Variants in ZBTB44 observed in about 807,000 individuals in gnomAD.
The protein encoded by ZBTB44 is zinc finger and BTB domain containing 44.
A neutral mutation model predicts 54.0 loss-of-function variants in ZBTB44; 15 were observed. That is an observed-to-expected ratio of 0.28 (90% CI 0.19 to 0.43). ZBTB44 has a LOEUF of 0.43. Among genes scored for constraint, ZBTB44 ranks in the 20% least tolerant of loss-of-function variants. The probability of loss-of-function intolerance (pLI) is 1.00; values close to 1 mark genes in which losing one functional copy is unlikely to be tolerated. For missense variants in ZBTB44, 487 were observed against 707.1 expected (o/e 0.69, Z 3.53); for synonymous variants, 230 against 250.1 (o/e 0.92, Z 0.76).
intron 2 of ZBTB44, among the ~76,000 whole-genome samples, chr11:130,252,802 C>A (rs376894115): frequency 6.6e-6 from 1 of 152,246 alleles, no homozygotes; most frequent in Admixed American, 6.5e-5. Flanking sequence ...AACATCAATG[C>A]AAAAATCCTC....
intron 2 of ZBTB44, among the ~76,000 whole-genome samples, chr11:130,249,436 G>C (rs529616024): frequency 1.3e-5 from 2 of 152,136 alleles, no homozygotes; most frequent in East Asian, 3.9e-4. Flanking sequence ...CCCAATTCAG[G>C]AATATGAACT....
chr11:130,273,140 T>C (rs1030181457), intron 1 of ZBTB44, among the ~76,000 whole-genome samples: 4 of 152,298 alleles, frequency 2.6e-5, no homozygotes, highest in African/African-American at 9.6e-5. Flanking sequence ...TGGAGAATAC[T>C]GCTATCTTTA....
At chr11:130,303,913 C>T (rs980993149) in intron 1 of ZBTB44, among the ~76,000 whole-genome samples, 5 of 152,026 alleles carry the variant, frequency 3.3e-5, no homozygotes, top group African/African-American at 1.2e-4. Flanking sequence ...GAGTTATCAA[C>T]GTGAAACAAC....
intron 2 of ZBTB44, among the ~76,000 whole-genome samples, chr11:130,258,909 A>T (rs1938638267): frequency 6.6e-6 from 1 of 152,156 alleles, no homozygotes; most frequent in East Asian, 1.9e-4. Flanking sequence ...ACTTTGTGAT[A>T]AAAAATCACA....
intron 2 of ZBTB44, 108 bp downstream of exon 2, chr11:130,260,748 T>G (rs1205208415): frequency 2.4e-6 from 3 of 1,272,108 alleles, no homozygotes; most frequent in African/African-American, 1.5e-5. Flanking sequence ...TGTTTTACTC[T>G]TCTTTATATT....
chr11:130,298,893 G>C (rs77533236), intron 1 of ZBTB44, among the ~76,000 whole-genome samples: 1,937 of 151,964 alleles, frequency 0.013, 17 homozygotes, highest in Middle Eastern at 0.02. Context: ...TCTGCAGCTT[G>C]GGAAACATGG....
chr11:130,285,330 T>C (rs1488778094), intron 1 of ZBTB44: 1 of 151,214 alleles, frequency 6.6e-6, no homozygotes, highest in African/African-American at 2.4e-5. Context: ...TCGCTCTCGT[T>C]GGCCAGGCTG....
At chr11:130,269,786 C>T (rs577377960) in intron 1 of ZBTB44, among the ~76,000 whole-genome samples, 2 of 152,214 alleles carry the variant, frequency 1.3e-5, no homozygotes, top group South Asian at 4.1e-4. Flanking sequence ...AATGATGCTT[C>T]TGTTTTTTTT....
chr11:130,310,717 G>A (rs934084033), intron 1 of ZBTB44, among the ~76,000 whole-genome samples: 1 of 152,106 alleles, frequency 6.6e-6, no homozygotes, highest in Non-Finnish European at 1.5e-5. Flanking sequence ...TAATTTTAAT[G>A]AGGTTTATCC....
rs1337384638 is a variant in ZBTB44 at position 130,236,927 on chromosome 11, C to T, written c.1434G>A (p.Arg478=). 2 of 1,604,524 alleles carry T rather than the reference C, an allele frequency of 1.2e-6. No homozygotes were observed. The highest frequency in any genetic ancestry group is 3.4e-5 in the Admixed American group (2 of 58,118). ...GEYKHHMRVS[R]HIIRKPRIYE... Reference sequence around the variant, plus strand: ...AAATCCGAGGCTTGCGGATAATGTGCCGGGAAACCCTCATGTGGTGTTTAT... The same window carrying T: ...AAATCCGAGGCTTGCGGATAATGTGTCGGGAAACCCTCATGTGGTGTTTAT... The change falls in exon 5 of 8, where the codon CGG becomes CGA. Residue 478 remains arginine (R), a synonymous_variant. Coordinates refer to ENST00000357899, the MANE Select transcript of ZBTB44 (RefSeq NM_001301098.2).
intron 1 of ZBTB44, among the ~76,000 whole-genome samples, chr11:130,313,348 T>C (rs950448645): frequency 2.0e-5 from 3 of 152,194 alleles, no homozygotes; most frequent in Non-Finnish European, 2.9e-5. Flanking sequence ...AATAATCTGG[T>C]TTTCATAATT....
intron 1 of ZBTB44, among the ~76,000 whole-genome samples, chr11:130,300,044 A>T (rs1202048926): frequency 2.0e-5 from 3 of 152,224 alleles, no homozygotes; most frequent in Admixed American, 6.5e-5. Flanking sequence ...ATGCGAGTGA[A>T]ATAAACCAAT....
At chr11:130,259,761 C>A (rs1722193794) in intron 2 of ZBTB44, among the ~76,000 whole-genome samples, 1 of 147,228 alleles carries the variant, frequency 6.8e-6, no homozygotes, top group African/African-American at 2.5e-5. Flanking sequence ...AATGAGAACC[C>A]ATGTACACAG....
rs1258857366 is a variant in ZBTB44 at position 130,229,815 on chromosome 11, CATTT to C, written c.*1945_*1948del. 6.6e-6 allele frequency: 1 copy of C among 152,104 alleles called. No individual in the cohort carries two copies. The highest frequency in any genetic ancestry group is 2.4e-5 in the African/African-American group (1 of 41,436). The allele number at this position is 152,104 out of a possible 1,614,324, so 9.4% of individuals were successfully genotyped here. ...AATAACTTACTTACAGTGAAAACTA[CATTT>C]ATTTATTACCTTCTGGCAACTTTGG... On this transcript the variant is annotated 3_prime_UTR_variant, in exon 8 of 8. Transcript: ENST00000357899.
intron 1 of ZBTB44, among the ~76,000 whole-genome samples, chr11:130,302,251 C>T (rs1942027388): frequency 6.6e-6 from 1 of 152,052 alleles, no homozygotes; most frequent in Non-Finnish European, 1.5e-5. Flanking sequence ...AGGAACTAGC[C>T]ACACAACAGG....
chr11:130,271,916 C>T (rs1326335313), intron 1 of ZBTB44, among the ~76,000 whole-genome samples: 1 of 152,098 alleles, frequency 6.6e-6, no homozygotes, highest in African/African-American at 2.4e-5. Context: ...AAAGCAGCCA[C>T]ACCTTTATAT....
At position 130,261,145 on chromosome 11, in the gene ZBTB44, C is replaced by T. The variant is rs556743638; in HGVS notation, c.729G>A (p.Glu243=). ...GGGTATTTTCTGCTTGCTTAACTTT[C>T]TCAGGCTGAATCCTTCGATCAATTC... ...PFGIDRRIQP[E]KVKQAENTRT... The change falls in exon 2 of 8, where the codon GAG becomes GAA. Residue 243 remains glutamate, a synonymous_variant. Transcript: ENST00000357899. The surrounding 1 kb of genome is among the most constrained non-coding windows in gnomAD (Gnocchi z 4.8). 1 of 1,613,984 alleles carries T rather than the reference C, an allele frequency of 6.2e-7. No homozygotes were observed. Among genetic ancestry groups the T allele is most frequent in the South Asian group, 1.1e-5 (1 of 91,082 alleles).
chr11:130,295,295 CAA>C (rs1285084349), intron 1 of ZBTB44, among the ~76,000 whole-genome samples: 1 of 152,070 alleles, frequency 6.6e-6, no homozygotes, highest in Non-Finnish European at 1.5e-5. Flanking sequence ...AGACATGTCT[CAA>C]GAGGCAGTGG....
At chr11:130,234,348 T>G in intron 5 of ZBTB44, 75 bp from the exon 6 acceptor site, 8 of 1,379,718 alleles carry the variant, frequency 5.8e-6, no homozygotes, top group African/African-American at 1.5e-5. Context: ...TAAAAAGCTC[T>G]GATTTATACA....
Sources: gnomAD v4.1 joint callset for allele counts (sites outside exome capture counted in the v4.1 genomes callset) on GRCh38, gnomAD v4.1.1 for gene constraint, Gnocchi (gnomAD v3.1) non-coding constraint, MANE v1.5 for transcripts, NCBI Gene and HGNC (gene_info 2026-07-23, HGNC 2026-07-21) for gene names.